SLC25A30: variants seen among roughly 807,000 people sequenced by gnomAD.
SLC25A30 encodes kidney mitochondrial carrier protein 1.
SLC25A30 carries 29 observed loss-of-function variants against 42.7 expected under a neutral mutation model. The observed-to-expected ratio is 0.68, with a 90% CI of 0.51 to 0.93. The LOEUF is 0.93. SLC25A30 is among the 40% of genes least tolerant of loss of function. The probability of loss-of-function intolerance (pLI) is 0.00; values close to 1 mark genes in which losing one functional copy is unlikely to be tolerated. For missense variants in SLC25A30, 300 were observed against 359.7 expected, an observed-to-expected ratio of 0.83 and a Z score of 1.34; for synonymous variants, 124 against 131.0, an observed-to-expected ratio of 0.95 and a Z score of 0.37.
intron 1 of SLC25A30, among the ~76,000 whole-genome samples, chr13:45,412,590 A>G (rs1286794583): frequency 6.6e-6 from 1 of 152,212 alleles, no homozygotes; most frequent in Non-Finnish European, 1.5e-5. Context: ...TCATCACCAC[A>G]GCAGGCAACA....
At chr13:45,424,148 AGT>A in the SLC25A30 span, among the ~76,000 whole-genome samples, 2 of 25,596 alleles carry the variant, frequency 7.8e-5, no homozygotes, top group African/African-American at 3.9e-4. Context: ...TATAAATATA[AGT>A]ATATATATAG....
chr13:45,428,715 G>A, the SLC25A30 span, among the ~76,000 whole-genome samples: 382 of 150,886 alleles, frequency 2.5e-3, 3 homozygotes, highest in African/African-American at 8.7e-3. Flanking sequence ...TAGAGACAGG[G>A]TTTCACCATG....
intron 2 of SLC25A30, among the ~76,000 whole-genome samples, chr13:45,409,391 T>C (rs9526069): frequency 6.6e-6 from 1 of 152,232 alleles, no homozygotes; most frequent in African/African-American, 2.4e-5. Flanking sequence ...AGGAAATCCA[T>C]TGAAAAACAT....
At chr13:45,423,955 G>GAACATATATA in the SLC25A30 span, among the ~76,000 whole-genome samples, 10 of 33,032 alleles carry the variant, frequency 3.0e-4, no homozygotes, top group Non-Finnish European at 5.8e-4. Flanking sequence ...AAAAATATAT[G>GAACATATATA]AATATATATA....
chr13:45,396,386 A>G, intron 9 of SLC25A30: 11 of 1,060,408 alleles, frequency 1.0e-5, no homozygotes, highest in Non-Finnish European at 1.3e-5. Context: ...GGCTTCCACT[A>G]TGCATCCTTC....
chr13:45,431,181 G>A, the SLC25A30 span, among the ~76,000 whole-genome samples: 1 of 151,692 alleles, frequency 6.6e-6, no homozygotes. Flanking sequence ...CCGAGTAGCT[G>A]GGATTACAAG....
chr13:45,432,271 A>G, the SLC25A30 span, among the ~76,000 whole-genome samples: 33 of 134,998 alleles, frequency 2.4e-4, no homozygotes, highest in East Asian at 4.2e-3. Flanking sequence ...CTCTGTTTCA[A>G]AAAAAAAAAA....
At chr13:45,424,182 TATTTATGA>T in the SLC25A30 span, among the ~76,000 whole-genome samples, 4 of 99,602 alleles carry the variant, frequency 4.0e-5, no homozygotes, top group Admixed American at 1.6e-4. Context: ...TATATATAAA[TATTTATGA>T]ATATAAATAT....
upstream of SLC25A30, among the ~76,000 whole-genome samples, chr13:45,422,774 G>A (rs1375299632): frequency 6.6e-6 from 1 of 152,114 alleles, no homozygotes; most frequent in Non-Finnish European, 1.5e-5. Flanking sequence ...CTGAATGGCT[G>A]TATAAAATAC....
chr13:45,409,498 G>A, intron 2 of SLC25A30, among the ~76,000 whole-genome samples: 1 of 65,162 alleles, frequency 1.5e-5, no homozygotes, highest in East Asian at 2.5e-4. Flanking sequence ...TTCCACTTGG[G>A]AGAGTGTTTT....
chr13:45,423,656 T>TAAATATATGTAA, the SLC25A30 span, among the ~76,000 whole-genome samples: 1 of 49,584 alleles, frequency 2.0e-5, no homozygotes, highest in African/African-American at 1.2e-4. Context: ...CATATTTATA[T>TAAATATATGTAA]AAATATATAT....
chr13:45,421,664 A>C (rs1309526976), upstream of SLC25A30, among the ~76,000 whole-genome samples: 4 of 152,304 alleles, frequency 2.6e-5, no homozygotes, highest in East Asian at 7.7e-4. Flanking sequence ...CAAAATGGAA[A>C]CAATACCCTC....
chr13:45,423,341 G>C (rs1439155012), upstream of SLC25A30, among the ~76,000 whole-genome samples: 1 of 151,342 alleles, frequency 6.6e-6, no homozygotes, highest in Non-Finnish European at 1.5e-5. Context: ...CTCATGTGAA[G>C]TCTGGTGAGC....
the SLC25A30 span, among the ~76,000 whole-genome samples, chr13:45,424,024 A>C: frequency 1.2e-3 from 99 of 81,430 alleles, 2 homozygotes; most frequent in African/African-American, 5.1e-3. Context: ...AATCTGTAAA[A>C]ATATATATTT....
the SLC25A30 span, among the ~76,000 whole-genome samples, chr13:45,426,523 G>A: frequency 7.2e-5 from 11 of 152,064 alleles, no homozygotes; most frequent in Admixed American, 5.2e-4. Context: ...TGATCCCTAC[G>A]TGAACCTTTA....
chr13:45,425,094 A>ATAC, the SLC25A30 span, among the ~76,000 whole-genome samples: 21 of 27,726 alleles, frequency 7.6e-4, 3 homozygotes, highest in African/African-American at 3.5e-3. Context: ...ATATAAATAT[A>ATAC]TTTATAAATA....
chr13:45,399,899 A>G (rs1318922985), intron 7 of SLC25A30, among the ~76,000 whole-genome samples: 3 of 151,618 alleles, frequency 2.0e-5, no homozygotes, highest in African/African-American at 7.3e-5. Flanking sequence ...AAGTTTCTCA[A>G]CCTCAGCACT....
intron 1 of SLC25A30, among the ~76,000 whole-genome samples, chr13:45,416,496 G>C (rs1214176418): frequency 6.6e-6 from 1 of 152,106 alleles, no homozygotes; most frequent in South Asian, 2.1e-4. Context: ...AGCTGGGCTA[G>C]TCACACATAC....
chr13:45,393,769 A>T lies in SLC25A30; in HGVS notation c.*2205T>A. 1 of 985,476 alleles carries T rather than the reference A, an allele frequency of 1.0e-6. No homozygotes were observed. Among genetic ancestry groups the T allele is most frequent in the Non-Finnish European group, 1.2e-6 (1 of 829,930 alleles). 61.0% of individuals were successfully genotyped at this position (985,476 alleles called of 1,614,324 possible). ...TAAGATCCTGTTCAATAAGGCACTT[A>T]ATAAGTCTACACTGAAGAAATACTA... On this transcript the variant is annotated 3_prime_UTR_variant, in exon 10 of 10. Transcript: ENST00000519676.
Sources: allele counts gnomAD v4.1 joint callset (sites outside exome capture counted in the v4.1 genomes callset), GRCh38; gene constraint gnomAD v4.1.1; transcripts MANE v1.5; gene names NCBI Gene and HGNC (gene_info 2026-07-23, HGNC 2026-07-21).